NKD1: variants seen among roughly 807,000 people sequenced by gnomAD.
The protein encoded by NKD1 is NKD inhibitor of Wnt signaling pathway 1.
Under a neutral mutation model 56.0 loss-of-function variants are expected in NKD1, and 21 were observed. That is an observed-to-expected ratio of 0.38 (90% CI 0.27 to 0.54). NKD1 has a LOEUF of 0.54. Ranked by LOEUF, NKD1 falls within the 20% of genes least tolerant of loss-of-function variation. The probability of loss-of-function intolerance (pLI) is 0.82; values close to 1 mark genes in which losing one functional copy is unlikely to be tolerated. For missense variants in NKD1, 578 were observed against 642.7 expected (o/e 0.90, Z 1.09); for synonymous variants, 263 against 265.7 (o/e 0.99, Z 0.10).
intron 3 of NKD1, chr16:50,558,661 G>A (rs1251464776): frequency 6.7e-6 from 1 of 149,140 alleles, no homozygotes; most frequent in Non-Finnish European, 1.5e-5. Context: ...ATCACCTGAG[G>A]TCAGGAGTTT....
In NKD1 at chr16:50,636,013, C is replaced by T. The variant is rs1962458220; in HGVS notation, c.*2232C>T. ...ACATGCTTTTGTCAGGGAACCCTGG[C>T]TGCTGGCCTTCTGGGTCCCCTAACC... On this transcript the variant is annotated 3_prime_UTR_variant, in exon 10 of 10. Transcript: ENST00000268459. 1 of 152,228 alleles carries T rather than the reference C, an allele frequency of 6.6e-6. No homozygotes were observed. The highest frequency in any genetic ancestry group is 6.5e-5 in the Admixed American group (1 of 15,290). 9.4% of individuals were successfully genotyped at this position (152,228 alleles called of 1,614,324 possible). A position where few individuals can be genotyped will look rare whatever the true frequency, so the allele number is the denominator to read the frequency against.
chr16:50,630,914 T>G lies in NKD1; in HGVS notation c.695+4T>G. 1 of 1,576,422 alleles carries G rather than the reference T, an allele frequency of 6.3e-7. No individual in the cohort carries two copies. Among genetic ancestry groups the G allele is most frequent in the Non-Finnish European group, 8.6e-7 (1 of 1,160,026 alleles). On this transcript the variant is annotated splice_donor_region_variant and intron_variant, in intron 8 of 9. Transcript: ENST00000268459. ...AGAAGCAGCGAGCCCCGCTCAGGTA[T>G]GTGGGCATGGTGCACATGAGCATAT... is the stretch of plus-strand genomic sequence containing the variant.
Position 50,633,285 on chromosome 16 carries a change from C to T in NKD1, c.917C>T (p.Pro306Leu). The change falls in exon 10 of 10, where the codon CCA becomes CTA. Residue 306 changes from proline to leucine, a missense_variant. Coordinates refer to ENST00000268459, the MANE Select transcript of NKD1 (RefSeq NM_033119.5). The surrounding 1 kb of genome is among the most constrained non-coding windows in gnomAD (Gnocchi z 4.9). ...CATGAGCCGGAAGCCATCCACATCCCACACCGAAAGCCCCAAGGCGTGGAC... is the reference window on the plus strand; with the variant it reads ...CATGAGCCGGAAGCCATCCACATCCTACACCGAAAGCCCCAAGGCGTGGAC... Reference protein sequence around the residue: ...RSHEPEAIHIPHRKPQGVDPA... With the variant: ...RSHEPEAIHILHRKPQGVDPA... The T allele has an allele frequency of 1.9e-6, 3 of 1,614,180 alleles. No homozygotes were observed. The highest frequency in any genetic ancestry group is 1.1e-5 in the South Asian group (1 of 91,084).
intron 3 of NKD1, chr16:50,574,638 G>A: frequency 1.0e-6 from 1 of 985,414 alleles, no homozygotes; most frequent in Non-Finnish European, 1.2e-6. Context: ...GCTGTGCCTG[G>A]GGCGTGCCAG....
intron 3 of NKD1, among the ~76,000 whole-genome samples, chr16:50,592,602 C>G (rs1320695044): frequency 6.6e-6 from 1 of 152,206 alleles, no homozygotes. Context: ...GCTGGGGAGC[C>G]TGCAAGCCAC....
chr16:50,633,230 C>G lies in NKD1; in HGVS notation c.862C>G (p.Arg288Gly), dbSNP rs370527079. Residue 288 changes from arginine to glycine, a missense_variant, in exon 10 of 10, where the codon CGC becomes GGC. Transcript: ENST00000268459. The surrounding 1 kb of genome is among the most constrained non-coding windows in gnomAD (Gnocchi z 4.9). Reference protein sequence around the residue: ...SVAQKSELPPRTSNPTRSRSH... With the variant: ...SVAQKSELPPGTSNPTRSRSH... The stretch of plus-strand genomic sequence containing the variant: ...GGCCCAGAAGTCAGAACTGCCCCCC[C>G]GCACCTCCAATCCCACTCGATCTCG... The G allele has an allele frequency of 3.8e-5, 61 of 1,612,360 alleles. No individual in the cohort carries two copies. The highest frequency in any genetic ancestry group is 3.6e-4 in the African/African-American group (27 of 74,988).
Position 50,633,432 on chromosome 16 carries a change from G to T in NKD1, c.1064G>T (p.Ser355Ile), listed in dbSNP as rs765988899. 1.2e-6 allele frequency: 2 copies of T among 1,611,952 alleles called. No individual in the cohort carries two copies. The highest frequency in any genetic ancestry group is 2.2e-5 in the South Asian group (2 of 90,730). The change falls in exon 10 of 10, where the codon AGT becomes ATT. Residue 355 changes from serine (S) to isoleucine (I), a missense_variant. Physicochemically the swap from Ser to Ile is moderately radical, Grantham distance 142. Coordinates refer to ENST00000268459, the MANE Select transcript of NKD1 (RefSeq NM_033119.5). This position sits in a 1 kb window ranked among gnomAD's most constrained non-coding sequence, Gnocchi z 4.9. Reference sequence around the variant, plus strand: ...AGGTCCCCCAAGGCCCAGGGCAAGAGTGTGGGTGTGGGCCACGTGGCCAGA... The same window carrying T: ...AGGTCCCCCAAGGCCCAGGGCAAGATTGTGGGTGTGGGCCACGTGGCCAGA... ...FVRSPKAQGKSVGVGHVARGA... is the reference protein window; with the variant it reads ...FVRSPKAQGKIVGVGHVARGA...
rs1181285326 is a variant in NKD1, at chr16:50,645,743, G to A, written c.*11962G>A. ...CATGAAAGCGCTCAAGGATCCGCTT[G>A]CTTGCTTACATGTGGGATCAGCACT... On this transcript the variant is annotated 3_prime_UTR_variant, in exon 10 of 10. Coordinates refer to ENST00000268459, the MANE Select transcript of NKD1 (RefSeq NM_033119.5). 6.6e-6 allele frequency: 1 copy of A among 152,194 alleles called. No individual in the cohort carries two copies. Among genetic ancestry groups the A allele is most frequent in the East Asian group, 1.9e-4 (1 of 5,190 alleles). The allele number at this position is 152,194 out of a possible 1,614,324, so 9.4% of individuals were successfully genotyped here.
intron 3 of NKD1, among the ~76,000 whole-genome samples, chr16:50,588,088 G>A (rs970573904): frequency 3.9e-5 from 6 of 152,234 alleles, no homozygotes; most frequent in African/African-American, 1.4e-4. Context: ...TGGGTGGACA[G>A]CAAATGAAAC....
chr16:50,604,081 C>T (rs1397669990), intron 3 of NKD1, among the ~76,000 whole-genome samples: 1 of 152,206 alleles, frequency 6.6e-6, no homozygotes, highest in Non-Finnish European at 1.5e-5. Flanking sequence ...AGGGGAGGGG[C>T]CTGGGATCAC....
At chr16:50,548,842 G>C in intron 2 of NKD1, 93 bp downstream of exon 2, 5 of 1,274,820 alleles carry the variant, frequency 3.9e-6, no homozygotes, top group Non-Finnish European at 4.0e-6. Context: ...TTATGACCAG[G>C]GCCACCCCGA....
At chr16:50,551,249 G>T (rs776388093) in intron 3 of NKD1, among the ~76,000 whole-genome samples, 1 of 152,054 alleles carries the variant, frequency 6.6e-6, no homozygotes, top group Non-Finnish European at 1.5e-5. Flanking sequence ...GGGTGGGGAG[G>T]GGGCCCCAGC....
chr16:50,561,907 G>A (rs527721054), intron 3 of NKD1, among the ~76,000 whole-genome samples: 15 of 152,306 alleles, frequency 9.8e-5, no homozygotes, highest in African/African-American at 1.9e-4. Flanking sequence ...GGACTGAGAC[G>A]TGTCCCTTGG....
chr16:50,626,274 G>C (rs1349892498), intron 6 of NKD1, among the ~76,000 whole-genome samples: 1 of 152,252 alleles, frequency 6.6e-6, no homozygotes, highest in Non-Finnish European at 1.5e-5. Flanking sequence ...TGAGGACACA[G>C]CAGGGAACAA....
intron 6 of NKD1, among the ~76,000 whole-genome samples, chr16:50,627,515 T>C (rs1962249385): frequency 6.6e-6 from 1 of 152,140 alleles, no homozygotes; most frequent in African/African-American, 2.4e-5. Context: ...GAGGGAGGAC[T>C]GGTCTGGTGT....
In NKD1 at chr16:50,623,949, C is replaced by T. The variant is rs559684640; in HGVS notation, c.367-1536C>T. Among the ~76,000 whole-genome samples the T allele has an allele frequency of 1.2e-4, 18 of 152,132 alleles. No homozygotes were observed. The highest frequency in any genetic ancestry group is 2.1e-4 in the South Asian group (1 of 4,800). ...ATGAGGGCCCTTGGCAGTTATCAAA[C>T]GGGTGTGGCTGAAGCAAGGTTGGCT... is the stretch of plus-strand genomic sequence containing the variant. On this transcript the variant is annotated intron_variant, in intron 5 of 9. Transcript: ENST00000268459. The surrounding 1 kb of genome is among the most constrained non-coding windows in gnomAD (Gnocchi z 4.1).
At chr16:50,619,660 T>A (rs1962042087) in intron 4 of NKD1, among the ~76,000 whole-genome samples, 1 of 152,250 alleles carries the variant, frequency 6.6e-6, no homozygotes. Context: ...TGGCCAGACC[T>A]AGTGCACTGG....
chr16:50,594,920 G>A (rs1961442710), intron 3 of NKD1, among the ~76,000 whole-genome samples: 1 of 152,220 alleles, frequency 6.6e-6, no homozygotes, highest in South Asian at 2.1e-4. Context: ...CTCGTGGGAG[G>A]CCTGCTACAG....
rs1422178388 is a variant in NKD1, at chr16:50,601,608, T to C, written c.193-6686T>C. On this transcript the variant is annotated intron_variant, in intron 3 of 9. Coordinates refer to ENST00000268459, the MANE Select transcript of NKD1 (RefSeq NM_033119.5). ...TGTCTCTGAGAAGCTGCCGATGAGA[T>C]GAGATGCAGCCTTGGCACCAGAGAA... Among the ~76,000 whole-genome samples the C allele has an allele frequency of 2.6e-5, 4 of 152,162 alleles. No homozygotes were observed. In the East Asian group the frequency reaches 5.8e-4, roughly 22 times the overall value.
Sources: allele counts gnomAD v4.1 joint callset (sites outside exome capture counted in the v4.1 genomes callset), GRCh38; gene constraint gnomAD v4.1.1; non-coding constraint Gnocchi (gnomAD v3.1); transcripts MANE v1.5; gene names NCBI Gene and HGNC (gene_info 2026-07-23, HGNC 2026-07-21).